LAMA1: variants seen among roughly 807,000 people sequenced by gnomAD.
The protein encoded by LAMA1 is laminin subunit alpha 1.
LAMA1 carries 219 observed loss-of-function variants against 348.7 expected under a neutral mutation model. The observed-to-expected ratio is 0.63, with a 90% CI of 0.56 to 0.70. The LOEUF (loss-of-function observed/expected upper bound fraction) is 0.70. Ranked by LOEUF, LAMA1 falls within the 30% of genes least tolerant of loss-of-function variation. LAMA1 has a pLI of 0.00. For synonymous variants in LAMA1, 1,487 were observed against 1,491.0 expected (o/e 1.00, Z 0.06); for missense variants, 3,744 against 3,888.0 (o/e 0.96, Z 0.99).
At chr18:7,098,861 G>A (rs1425692262) in intron 1 of LAMA1, among the ~76,000 whole-genome samples, 2 of 121,882 alleles carry the variant, frequency 1.6e-5, no homozygotes, top group Non-Finnish European at 3.4e-5. Context: ...TCAGCCCCCC[G>A]CCCGGCCAGC....
chr18:7,091,918 A>C (rs770226657), intron 1 of LAMA1, among the ~76,000 whole-genome samples: 2 of 152,232 alleles, frequency 1.3e-5, no homozygotes, highest in Non-Finnish European at 2.9e-5. Context: ...ACCAGCACGA[A>C]GACCCCAAGG....
chr18:7,108,167 C>T (rs1201808908), intron 1 of LAMA1, among the ~76,000 whole-genome samples: 1 of 150,906 alleles, frequency 6.6e-6, no homozygotes, highest in African/African-American at 2.4e-5. Context: ...GAAACTCCGT[C>T]TCTACTAAAA....
intron 16 of LAMA1, among the ~76,000 whole-genome samples, chr18:7,028,781 G>C (rs1214722712): frequency 6.6e-6 from 1 of 152,200 alleles, no homozygotes; most frequent in African/African-American, 2.4e-5. Flanking sequence ...AGGAGCAAAG[G>C]GGAGGGGTGC....
rs1047484818 is a variant in LAMA1, at chr18:6,973,363, C to T, written c.6624-156G>A. On this transcript the variant is annotated intron_variant, in intron 46 of 62. Coordinates refer to ENST00000389658, the MANE Select transcript of LAMA1 (RefSeq NM_005559.4). The stretch of plus-strand genomic sequence containing the variant: ...CTGGCTTCCAGTCTTGCCTACTGCC[C>T]GAAATCTTCAAGAGTGTCTCTTCCG... Among the ~76,000 whole-genome samples the T allele has an allele frequency of 2.6e-5, 4 of 152,090 alleles. No homozygotes were observed. The South Asian group carries it at 6.2e-4, about 24-fold the overall frequency.
At chr18:7,100,280 T>C (rs1179821344) in intron 1 of LAMA1, among the ~76,000 whole-genome samples, 3 of 152,132 alleles carry the variant, frequency 2.0e-5, no homozygotes, top group Non-Finnish European at 4.4e-5. Context: ...TCATTAATCA[T>C]TGGAGAAATA....
At chr18:6,996,533 G>C (rs1326119682) in intron 33 of LAMA1, among the ~76,000 whole-genome samples, 2 of 152,154 alleles carry the variant, frequency 1.3e-5, no homozygotes, top group African/African-American at 4.8e-5. Context: ...AGAAATTTGA[G>C]AGGTCAAGGT....
intron 37 of LAMA1, 75 bp from the exon 38 acceptor site, chr18:6,985,718 G>T (rs930663534): frequency 6.7e-6 from 6 of 901,106 alleles, no homozygotes; most frequent in African/African-American, 5.0e-5. Context: ...CTAATGCTAC[G>T]TGCAGAAGTT....
chr18:7,108,209 G>A (rs1424400184), intron 1 of LAMA1, among the ~76,000 whole-genome samples: 2 of 151,830 alleles, frequency 1.3e-5, no homozygotes, highest in East Asian at 3.9e-4. Context: ...GGCGGTGTGT[G>A]CCTGTAGTCC....
At position 6,975,940 on chromosome 18, in the gene LAMA1, G is replaced by A. The variant is rs761886176; in HGVS notation, c.6486C>T (p.Thr2162=). 80 of 1,613,874 alleles carry A rather than the reference G, an allele frequency of 5.0e-5. 1 individual carries two copies. The highest frequency in any genetic ancestry group is 3.2e-4 in the Admixed American group (19 of 59,978). ...TTTCCAAAGGTCCATAACTTACAGC[G>A]GTGCTGCTACCGAGGTAGAAGAGAA... The part of the protein sequence containing the change: ...DNLLFYLGSS[T]ASDFLAVEMR... Residue 2162 remains threonine (T), a synonymous_variant, in exon 45 of 63, where the codon ACC becomes ACT. Transcript: ENST00000389658.
At chr18:6,985,134 T>A in intron 39 of LAMA1, 103 bp downstream of exon 39, 5 of 1,391,452 alleles carry the variant, frequency 3.6e-6, no homozygotes, top group Non-Finnish European at 5.1e-6. Flanking sequence ...TGCTCATTTT[T>A]ACACAAAGGA....
At chr18:7,081,573 G>T (rs2058193585) in intron 1 of LAMA1, among the ~76,000 whole-genome samples, 1 of 152,160 alleles carries the variant, frequency 6.6e-6, no homozygotes, top group African/African-American at 2.4e-5. Flanking sequence ...AAGCAGCCAA[G>T]ATCAGTACCA....
At chr18:6,971,796 C>T in intron 48 of LAMA1, 61 bp downstream of exon 48, 6 of 1,608,970 alleles carry the variant, frequency 3.7e-6, no homozygotes, top group Non-Finnish European at 5.1e-6. Context: ...TACATTCTTT[C>T]AGCACTTCTC....
chr18:6,986,090 T>C, intron 37 of LAMA1, 47 bp downstream of exon 37: 1 of 1,604,382 alleles, frequency 6.2e-7, no homozygotes, highest in Non-Finnish European at 8.5e-7. Context: ...CGTTGGAGTA[T>C]TTTGTTACCT....
At position 7,080,307 on chromosome 18, in the gene LAMA1, C is replaced by T. The variant is rs201607431; in HGVS notation, c.212G>A (p.Gly71Asp). Residue 71 changes from glycine to aspartate, a missense_variant, in exon 2 of 63, where the codon GGC becomes GAC. Gly to Asp is a moderately conservative substitution (Grantham distance 94, BLOSUM62 -1). Around this residue, in one of 3 missense-constraint regions of LAMA1, gnomAD observed 1,529 missense variants for 1,689.4 expected, o/e 0.91. Coordinates refer to ENST00000389658, the MANE Select transcript of LAMA1 (RefSeq NM_005559.4). ...CTTGCCTCTGGGGTTTGCGCTGTTG[C>T]CATCACAGATCCGGCACTGTGGGTT... ...VRNPQCRICD[G>D]NSANPRERHP... The T allele has an allele frequency of 8.7e-6, 14 of 1,614,134 alleles. No homozygotes were observed. Among genetic ancestry groups the T allele is most frequent in the Non-Finnish European group, 1.0e-5 (12 of 1,180,060 alleles).
At chr18:6,995,067 G>A (rs995904777) in intron 34 of LAMA1, among the ~76,000 whole-genome samples, 20 of 152,102 alleles carry the variant, frequency 1.3e-4, no homozygotes, top group African/African-American at 4.6e-4. Context: ...TTTCATCCCC[G>A]CCCCACCTTT....
In LAMA1 at chr18:7,010,195, A is replaced by G; in HGVS notation, c.3873+5T>C. 1 of 1,613,510 alleles carries G rather than the reference A, an allele frequency of 6.2e-7. No homozygotes were observed. Among genetic ancestry groups the G allele is most frequent in the Non-Finnish European group, 8.5e-7 (1 of 1,179,448 alleles). Reference sequence around the variant, plus strand: ...GGAACTTCTATGAAAAGATCCCATTATCACCTCTCTCATTGCTACTTCTTG... The same window carrying G: ...GGAACTTCTATGAAAAGATCCCATTGTCACCTCTCTCATTGCTACTTCTTG... On this transcript the variant is annotated splice_donor_5th_base_variant and intron_variant, in intron 26 of 62. Coordinates refer to ENST00000389658, the MANE Select transcript of LAMA1 (RefSeq NM_005559.4).
intron 1 of LAMA1, among the ~76,000 whole-genome samples, chr18:7,113,381 A>G (rs1227951019): frequency 6.6e-6 from 1 of 152,176 alleles, no homozygotes; most frequent in East Asian, 1.9e-4. Context: ...CTTTACCCCC[A>G]ATGTGACACA....
intron 9 of LAMA1, among the ~76,000 whole-genome samples, chr18:7,041,838 T>C (rs2058021770): frequency 6.6e-6 from 1 of 152,176 alleles, no homozygotes. Flanking sequence ...TTACCCCATC[T>C]CCCTCCATTC....
chr18:7,007,298 G>A (rs532834046), intron 28 of LAMA1, 22 bp from the exon 29 acceptor site: 24 of 1,606,790 alleles, frequency 1.5e-5, no homozygotes, highest in East Asian at 6.7e-5. Flanking sequence ...CAAAAGGGAG[G>A]ACAAAAAAGT....
Sources: allele counts gnomAD v4.1 joint callset (sites outside exome capture counted in the v4.1 genomes callset), GRCh38; gene constraint gnomAD v4.1.1; regional missense constraint gnomAD v4.1.1; transcripts MANE v1.5; gene names NCBI Gene and HGNC (gene_info 2026-07-23, HGNC 2026-07-21).